The following IMMP1L variants were observed in gnomAD, a reference collection of about 807,000 sequenced individuals.
IMMP1L encodes mitochondrial inner membrane protease subunit 1.
Under a neutral mutation model 21.8 loss-of-function variants are expected in IMMP1L, and 24 were observed. The ratio of observed to expected loss-of-function variants is 1.10; its 90% CI spans 0.80 to 1.55. The LOEUF (loss-of-function observed/expected upper bound fraction) is 1.55. IMMP1L is among the 40% of genes most tolerant of loss of function. The pLI, the probability that IMMP1L is intolerant of heterozygous loss-of-function variation, is 0.00. For missense variants in IMMP1L, 195 were observed against 200.7 expected (o/e 0.97, Z 0.17); for synonymous variants, 46 against 62.8 (o/e 0.73, Z 1.26).
chr11:31,476,914 ACT>A (rs1375943354), intron 1 of IMMP1L, among the ~76,000 whole-genome samples: 2 of 152,164 alleles, frequency 1.3e-5, no homozygotes, highest in African/African-American at 4.8e-5. Flanking sequence ...TAACTAACTC[ACT>A]GATTTTTAAG....
chr11:31,452,632 G>A, intron 4 of IMMP1L: 1 of 985,872 alleles, frequency 1.0e-6, no homozygotes, highest in Non-Finnish European at 1.2e-6. Flanking sequence ...TGTTTCTTTT[G>A]AGAGTCACAA....
intron 1 of IMMP1L, among the ~76,000 whole-genome samples, chr11:31,504,298 G>A (rs1480762954): frequency 6.6e-6 from 1 of 152,158 alleles, no homozygotes; most frequent in Non-Finnish European, 1.5e-5. Context: ...TATTTGTAAT[G>A]AATTTATTTG....
At chr11:31,474,211 T>A (rs1450949843) in intron 1 of IMMP1L, among the ~76,000 whole-genome samples, 1 of 152,098 alleles carries the variant, frequency 6.6e-6, no homozygotes, top group Non-Finnish European at 1.5e-5. Context: ...GAATGATGCA[T>A]AAAAAGTAAC....
At chr11:31,438,748 A>T (rs192237316) in intron 4 of IMMP1L, among the ~76,000 whole-genome samples, 42 of 151,396 alleles carry the variant, frequency 2.8e-4, no homozygotes, top group African/African-American at 1.0e-3. Flanking sequence ...ATTTTTCTGA[A>T]TTTTTTCATT....
chr11:31,494,594 C>A (rs1327029613), intron 1 of IMMP1L, among the ~76,000 whole-genome samples: 1 of 152,174 alleles, frequency 6.6e-6, no homozygotes, highest in Non-Finnish European at 1.5e-5. Flanking sequence ...AATTTCTCCC[C>A]AGAAAATGGG....
chr11:31,481,865 A>T (rs1954901937), intron 1 of IMMP1L, among the ~76,000 whole-genome samples: 1 of 152,090 alleles, frequency 6.6e-6, no homozygotes, highest in Admixed American at 6.6e-5. Context: ...AGCTTTAAAG[A>T]TGATGCCCAA....
At chr11:31,456,483 A>T (rs1953941359) in intron 3 of IMMP1L, 97 bp from the exon 4 acceptor site, 1 of 943,306 alleles carries the variant, frequency 1.1e-6, no homozygotes, top group Non-Finnish European at 1.6e-6. Context: ...ACTTAAACAA[A>T]GCCATAACCT....
intron 4 of IMMP1L, among the ~76,000 whole-genome samples, chr11:31,434,798 T>C (rs914513434): frequency 5.9e-5 from 9 of 152,162 alleles, no homozygotes; most frequent in African/African-American, 2.2e-4. Context: ...ATAAGTTTAC[T>C]GAAAGAATAT....
At chr11:31,509,482 A>C in intron 1 of IMMP1L, 37 bp downstream of exon 1, 1 of 444,950 alleles carries the variant, frequency 2.2e-6, no homozygotes, top group Admixed American at 3.4e-5. Flanking sequence ...GAATGAAGGC[A>C]CTCAAAAGGA....
intron 1 of IMMP1L, among the ~76,000 whole-genome samples, chr11:31,482,174 C>T (rs1224068597): frequency 1.3e-5 from 2 of 151,914 alleles, no homozygotes. Flanking sequence ...TTTCTGTCTC[C>T]AGATACAAAC....
chr11:31,473,113 G>C (rs912901815), intron 1 of IMMP1L, among the ~76,000 whole-genome samples: 1 of 151,252 alleles, frequency 6.6e-6, no homozygotes, highest in Admixed American at 6.6e-5. Flanking sequence ...GTAGTGGCGC[G>C]ATCTTGGCTC....
Position 31,471,179 on chromosome 11 carries a change from GATC to G in IMMP1L, c.-29-7877_-29-7875del, listed in dbSNP as rs1211157910. Among the ~76,000 whole-genome samples, 6 of 152,254 alleles carry G rather than the reference GATC, an allele frequency of 3.9e-5. No homozygotes were observed. In the South Asian group the frequency reaches 8.3e-4, roughly 21 times the overall value. On this transcript the variant is annotated intron_variant, in intron 1 of 5. Transcript: ENST00000532287. The stretch of plus-strand genomic sequence containing the variant: ...ATAGATATGTTAATTACTCTGATTT[GATC>G]ATTATACACTGTACATATGTATCAA...
intron 4 of IMMP1L, among the ~76,000 whole-genome samples, chr11:31,445,389 A>C (rs1251415380): frequency 6.6e-6 from 1 of 152,152 alleles, no homozygotes; most frequent in East Asian, 1.9e-4. Context: ...TGCTCTTTTC[A>C]ATCTCCTGTT....
chr11:31,483,143 C>T (rs1954957390), intron 1 of IMMP1L, among the ~76,000 whole-genome samples: 1 of 151,700 alleles, frequency 6.6e-6, no homozygotes, highest in Non-Finnish European at 1.5e-5. Flanking sequence ...AGTGATTATC[C>T]TTGTTGGGGG....
At position 31,500,375 on chromosome 11, in the gene IMMP1L, GA is replaced by G. The variant is rs372886795; in HGVS notation, c.-30+9143del. Among the ~76,000 whole-genome samples, 28 of 151,306 alleles carry G rather than the reference GA, an allele frequency of 1.9e-4. No homozygotes were observed. In the East Asian group the frequency reaches 4.6e-3, roughly 25 times the overall value. ...GAGAAATCAGAGGTAATTCAGGGAG[GA>G]AAAAAAATTCTATGTCTCTGTAAAA... On this transcript the variant is annotated intron_variant, in intron 1 of 5. Transcript: ENST00000532287.
At chr11:31,449,059 T>G (rs1014776773) in intron 4 of IMMP1L, 1 of 985,250 alleles carries the variant, frequency 1.0e-6, no homozygotes, top group African/African-American at 1.7e-5. Flanking sequence ...TGCTGAGAAA[T>G]GGATGTGTAG....
At chr11:31,463,073 A>C (rs1954205546) in intron 2 of IMMP1L, 99 bp downstream of exon 2, 1 of 871,366 alleles carries the variant, frequency 1.1e-6, no homozygotes, top group African/African-American at 1.8e-5. Flanking sequence ...TTAGTCATTA[A>C]ATAACTTCAA....
At chr11:31,490,159 C>T (rs1955207505) in intron 1 of IMMP1L, among the ~76,000 whole-genome samples, 1 of 152,072 alleles carries the variant, frequency 6.6e-6, no homozygotes, top group African/African-American at 2.4e-5. Flanking sequence ...TATTTATTCA[C>T]ATATGTGTGT....
intron 4 of IMMP1L, among the ~76,000 whole-genome samples, chr11:31,434,390 A>G (rs1953042140): frequency 6.6e-6 from 1 of 152,192 alleles, no homozygotes; most frequent in Non-Finnish European, 1.5e-5. Flanking sequence ...GTAAACTAAA[A>G]AACTTACTTT....
Sources: gnomAD v4.1 joint callset for allele counts (sites outside exome capture counted in the v4.1 genomes callset) on GRCh38, gnomAD v4.1.1 for gene constraint, MANE v1.5 for transcripts, NCBI Gene and HGNC (gene_info 2026-07-23, HGNC 2026-07-21) for gene names.